Variants in SHANK2 observed in about 807,000 individuals in gnomAD.
SHANK2 encodes SH3 and multiple ankyrin repeat domains protein 2.
Under a neutral mutation model 133.7 loss-of-function variants are expected in SHANK2, and 43 were observed. The observed-to-expected ratio is 0.32, with a 90% CI of 0.25 to 0.41. The LOEUF is 0.41. SHANK2 is among the 10% of genes least tolerant of loss of function. The probability of loss-of-function intolerance (pLI) is 1.00; values close to 1 mark genes in which losing one functional copy is unlikely to be tolerated. For missense variants in SHANK2, 1,994 were observed against 2,235.8 expected, an observed-to-expected ratio of 0.89 and a Z score of 2.18; for synonymous variants, 1,017 against 952.8, an observed-to-expected ratio of 1.07 and a Z score of -1.24.
At chr11:70,875,268 G>A (rs1340165534) in intron 11 of SHANK2, among the ~76,000 whole-genome samples, 2 of 152,134 alleles carry the variant, frequency 1.3e-5, no homozygotes, top group Non-Finnish European at 2.9e-5. Flanking sequence ...GGCAGACAGC[G>A]TCACTCACTC....
intron 11 of SHANK2, among the ~76,000 whole-genome samples, chr11:70,841,859 G>A (rs560108631): frequency 3.3e-5 from 5 of 152,118 alleles, no homozygotes; most frequent in South Asian, 2.1e-4. Context: ...GTGTCTGCTC[G>A]TCAGCTCCCA....
At chr11:70,800,026 T>G (rs533137740) in intron 13 of SHANK2, among the ~76,000 whole-genome samples, 8 of 150,782 alleles carry the variant, frequency 5.3e-5, no homozygotes, top group African/African-American at 1.9e-4. Context: ...ATCTTAGGGT[T>G]TTTTTTTTGT....
rs3837380 is a variant in SHANK2, at chr11:70,661,500, T to TACACACAC, written c.1936+88_1936+95dup. On this transcript the variant is annotated intron_variant, in intron 16 of 25. Transcript: ENST00000601538. The stretch of plus-strand genomic sequence containing the variant: ...GGGGAACGTTTTTCATGCAGGCGTA[T>TACACACAC]ACACACACACACACACACACACACA... 2.8e-4 allele frequency: 296 copies of TACACACAC among 1,063,776 alleles called. 1 individual carries two copies. Among genetic ancestry groups the TACACACAC allele is most frequent in the African/African-American group, 1.6e-3 (90 of 54,928 alleles). 65.9% of individuals were successfully genotyped at this position (1,063,776 alleles called of 1,614,324 possible).
chr11:70,744,758 G>T (rs1488915483), intron 14 of SHANK2, among the ~76,000 whole-genome samples: 1 of 152,238 alleles, frequency 6.6e-6, no homozygotes, highest in East Asian at 1.9e-4. Flanking sequence ...GCCCTGGGCT[G>T]TGGGAGCCCT....
At chr11:70,768,944 C>A (rs1455073433) in intron 14 of SHANK2, among the ~76,000 whole-genome samples, 2 of 152,120 alleles carry the variant, frequency 1.3e-5, no homozygotes, top group Non-Finnish European at 2.9e-5. Context: ...GTGTCTCCAG[C>A]TTTCCCCAAA....
At chr11:70,658,697 T>C (rs1021228076) in intron 17 of SHANK2, among the ~76,000 whole-genome samples, 19 of 152,198 alleles carry the variant, frequency 1.2e-4, no homozygotes, top group African/African-American at 4.1e-4. Context: ...AGCAGAATCA[T>C]AGCATGAACA....
intron 10 of SHANK2, among the ~76,000 whole-genome samples, chr11:70,941,871 T>A (rs1364946439): frequency 1.3e-5 from 2 of 150,824 alleles, no homozygotes; most frequent in Non-Finnish European, 3.0e-5. Context: ...ATAATAATAA[T>A]ATAATAATAC....
chr11:70,492,472 T>C lies in SHANK2; in HGVS notation c.2309-7A>G, dbSNP rs781850782. ...ACTATCTCCTCGGGTTTATCTGCAA[T>C]AGAACCGTGAGGATTGGAGCAGCAA... On this transcript the variant is annotated splice_region_variant and splice_polypyrimidine_tract_variant and intron_variant, in intron 21 of 25. Transcript: ENST00000601538. 2 of 1,613,834 alleles carry C rather than the reference T, an allele frequency of 1.2e-6. No homozygotes were observed. Among genetic ancestry groups the C allele is most frequent in the South Asian group, 1.1e-5 (1 of 91,084 alleles).
At position 70,934,935 on chromosome 11, in the gene SHANK2, T is replaced by C. The variant is rs552482502; in HGVS notation, c.1108-38368A>G. ...AAACCAAAGCGACGCAGCAGCCGTG[T>C]GGAAGCATTCACGGAGAGAAGGGAC... On this transcript the variant is annotated intron_variant, in intron 10 of 25. Coordinates refer to ENST00000601538, the MANE Select transcript of SHANK2 (RefSeq NM_012309.5). 1.1e-4 allele frequency among the ~76,000 whole-genome samples: 16 copies of C among 152,272 alleles called. No homozygotes were observed. The East Asian group carries it at 3.1e-3, about 30-fold the overall frequency.
chr11:71,248,302 A>G (rs1555125301), intron 1 of SHANK2, among the ~76,000 whole-genome samples: 1 of 152,266 alleles, frequency 6.6e-6, no homozygotes, highest in African/African-American at 2.4e-5. Flanking sequence ...GGGCACATCA[A>G]GAAGTATGAT....
intron 14 of SHANK2, among the ~76,000 whole-genome samples, chr11:70,732,255 A>C (rs1591795361): frequency 6.6e-6 from 1 of 151,844 alleles, no homozygotes; most frequent in South Asian, 2.1e-4. Context: ...CTCTGCTCTC[A>C]CCCTCCACAG....
At chr11:70,591,237 A>C (rs2060316706) in intron 17 of SHANK2, among the ~76,000 whole-genome samples, 1 of 152,182 alleles carries the variant, frequency 6.6e-6, no homozygotes, top group South Asian at 2.1e-4. Context: ...CTGGGATCCC[A>C]GCTACTAGGG....
At chr11:71,217,781 T>A (rs555850339) in intron 2 of SHANK2, among the ~76,000 whole-genome samples, 3 of 152,236 alleles carry the variant, frequency 2.0e-5, no homozygotes, top group Non-Finnish European at 4.4e-5. Context: ...TAAGGATATA[T>A]GGAAACAAAA....
At chr11:70,582,525 A>G (rs949273322) in intron 17 of SHANK2, among the ~76,000 whole-genome samples, 25 of 152,304 alleles carry the variant, frequency 1.6e-4, no homozygotes, top group African/African-American at 6.0e-4. Context: ...GCTCAGGTCC[A>G]TATCTGACCA....
intron 15 of SHANK2, among the ~76,000 whole-genome samples, chr11:70,679,540 A>T (rs1179806172): frequency 6.6e-6 from 1 of 152,186 alleles, no homozygotes; most frequent in Non-Finnish European, 1.5e-5. Flanking sequence ...CTGTCTCCCC[A>T]TGACCAGTAC....
chr11:70,861,020 G>A (rs1555067696), intron 11 of SHANK2, among the ~76,000 whole-genome samples: 1 of 152,202 alleles, frequency 6.6e-6, no homozygotes, highest in East Asian at 1.9e-4. Context: ...TGGGCACACG[G>A]GGAGCAGCGC....
chr11:71,139,575 T>C (rs1952514126), intron 3 of SHANK2, among the ~76,000 whole-genome samples: 1 of 152,196 alleles, frequency 6.6e-6, no homozygotes, highest in South Asian at 2.1e-4. Flanking sequence ...TTCTTCCCTC[T>C]TCCTCATTCA....
chr11:70,565,562 G>A (rs1376290274), intron 17 of SHANK2, among the ~76,000 whole-genome samples: 1 of 152,100 alleles, frequency 6.6e-6, no homozygotes, highest in Non-Finnish European at 1.5e-5. Context: ...TCTTCAATGT[G>A]GATGTTCTTC....
chr11:70,909,850 G>A (rs1331652309), intron 10 of SHANK2, among the ~76,000 whole-genome samples: 2 of 152,210 alleles, frequency 1.3e-5, no homozygotes, highest in African/African-American at 4.8e-5. Flanking sequence ...GCTGACAACG[G>A]GGTACGCTTG....
Sources: gnomAD v4.1 joint callset for allele counts (sites outside exome capture counted in the v4.1 genomes callset) on GRCh38, gnomAD v4.1.1 for gene constraint, MANE v1.5 for transcripts, NCBI Gene and HGNC (gene_info 2026-07-23, HGNC 2026-07-21) for gene names.